RNF149: variants seen among roughly 807,000 people sequenced by gnomAD.
RNF149 encodes E3 ubiquitin-protein ligase RNF149.
A neutral mutation model predicts 39.0 loss-of-function variants in RNF149; 21 were observed. The observed-to-expected ratio is 0.54, with a 90% confidence interval of 0.38 to 0.77. The LOEUF (loss-of-function observed/expected upper bound fraction) is 0.77. RNF149 is among the 30% of genes least tolerant of loss of function. RNF149 has a pLI of 0.00. For missense variants in RNF149, 493 were observed against 534.9 expected, an observed-to-expected ratio of 0.92 and a Z score of 0.77; for synonymous variants, 209 against 213.6, an observed-to-expected ratio of 0.98 and a Z score of 0.19.
intron 1 of RNF149, among the ~76,000 whole-genome samples, chr2:101,305,206 G>C (rs572974538): frequency 6.3e-4 from 96 of 152,232 alleles, no homozygotes; most frequent in African/African-American, 2.2e-3. Flanking sequence ...ACACAGAACA[G>C]TGAGAACCAC....
intron 1 of RNF149, among the ~76,000 whole-genome samples, chr2:101,299,660 CT>C (rs1259042508): frequency 5.9e-5 from 9 of 152,138 alleles, no homozygotes; most frequent in Non-Finnish European, 1.3e-4. Flanking sequence ...CAGTTAAAAG[CT>C]TTTACACAGA....
At chr2:101,298,566 G>C (rs1343914274) in intron 1 of RNF149, among the ~76,000 whole-genome samples, 2 of 152,136 alleles carry the variant, frequency 1.3e-5, no homozygotes, top group Non-Finnish European at 2.9e-5. Flanking sequence ...GGCTGAAGTA[G>C]CAGCTCTGTA....
chr2:101,273,214 C>T (rs541960963), downstream of RNF149: 19 of 1,006,246 alleles, frequency 1.9e-5, no homozygotes, highest in Admixed American at 7.0e-5. Flanking sequence ...ACCGAGGAGC[C>T]GAGGAAACAG....
downstream of RNF149, among the ~76,000 whole-genome samples, chr2:101,272,652 T>C (rs959854938): frequency 6.6e-6 from 1 of 152,220 alleles, no homozygotes; most frequent in Non-Finnish European, 1.5e-5. Context: ...CAGAAACTGC[T>C]TTTGACTAAA....
rs1366010999 is a variant in RNF149 at position 101,275,819 on chromosome 2, A to G, written c.*1419T>C. ...GGATGTATTTTCCTATTTATAATAA[A>G]CTACAGAAGGTAGATTTCAAAGGTA... On this transcript the variant is annotated 3_prime_UTR_variant, in exon 7 of 7. Transcript: ENST00000295317. The G allele has an allele frequency of 4.1e-6, 4 of 976,568 alleles. No individual in the cohort carries two copies. Among genetic ancestry groups the G allele is most frequent in the Non-Finnish European group, 4.9e-6 (4 of 821,942 alleles). 60.5% of individuals were successfully genotyped at this position (976,568 alleles called of 1,614,324 possible). A position where few individuals can be genotyped will look rare whatever the true frequency, so the allele number is the denominator to read the frequency against.
At position 101,276,872 on chromosome 2, in the gene RNF149, T is replaced by G. The variant is rs1003667739; in HGVS notation, c.*366A>C. The G allele has an allele frequency of 4.9e-6, 5 of 1,017,982 alleles. No homozygotes were observed. The highest frequency in any genetic ancestry group is 5.1e-5 in the Admixed American group (1 of 19,424). 63.1% of individuals were successfully genotyped at this position (1,017,982 alleles called of 1,614,324 possible). On this transcript the variant is annotated 3_prime_UTR_variant, in exon 7 of 7. Transcript: ENST00000295317. Reference sequence around the variant, plus strand: ...TCCACTTCAACTAGTCTAACATTGATGTGCTTTGCCAAAAACCTTGAAAAA... The same window carrying G: ...TCCACTTCAACTAGTCTAACATTGAGGTGCTTTGCCAAAAACCTTGAAAAA...
intron 1 of RNF149, among the ~76,000 whole-genome samples, chr2:101,299,137 C>T (rs2104426787): frequency 6.6e-6 from 1 of 152,322 alleles, no homozygotes; most frequent in South Asian, 2.1e-4. Context: ...GTCTGGGCGA[C>T]AGGGCGAGAC....
chr2:101,275,808 A>G lies in RNF149; in HGVS notation c.*1430T>C. ...CTACAGAATCAGGATGTATTTTCCT[A>G]TTTATAATAAACTACAGAAGGTAGA... On this transcript the variant is annotated 3_prime_UTR_variant, in exon 7 of 7. Transcript: ENST00000295317. 1 of 977,098 alleles carries G rather than the reference A, an allele frequency of 1.0e-6. No homozygotes were observed. Among genetic ancestry groups the G allele is most frequent in the Non-Finnish European group, 1.2e-6 (1 of 822,356 alleles). The allele number at this position is 977,098 out of a possible 1,614,324, so 60.5% of individuals were successfully genotyped here.
chr2:101,275,144 G>A (rs571050049), downstream of RNF149, among the ~76,000 whole-genome samples: 190 of 105,826 alleles, frequency 1.8e-3, 2 homozygotes, highest in African/African-American at 6.7e-3. Context: ...TTGAGGCGGA[G>A]TCTTGCTCTG....
intron 1 of RNF149, among the ~76,000 whole-genome samples, chr2:101,296,097 G>A (rs1005220987): frequency 5.3e-5 from 8 of 152,106 alleles, no homozygotes; most frequent in Admixed American, 1.3e-4. Flanking sequence ...CAGCTTGGGC[G>A]ACAAAGTATG....
At chr2:101,292,582 C>T (rs970650565) in intron 3 of RNF149, among the ~76,000 whole-genome samples, 2 of 152,044 alleles carry the variant, frequency 1.3e-5, no homozygotes, top group Admixed American at 6.6e-5. Flanking sequence ...CTGGCTAACA[C>T]GGTGAAACTC....
At position 101,308,685 on chromosome 2, in the gene RNF149, A is replaced by C; in HGVS notation, c.-97T>G. 2 of 1,163,822 alleles carry C rather than the reference A, an allele frequency of 1.7e-6. No homozygotes were observed. The highest frequency in any genetic ancestry group is 1.2e-6 in the Non-Finnish European group (1 of 869,324). 72.1% of individuals were successfully genotyped at this position (1,163,822 alleles called of 1,614,324 possible). The stretch of plus-strand genomic sequence containing the variant: ...AAGCGGACACCCACCGCCGCCCTGG[A>C]AGACTGAGGCGGGGTCGGGGCCGCT... On this transcript the variant is annotated 5_prime_UTR_variant, in exon 1 of 7. Coordinates refer to ENST00000295317, the MANE Select transcript of RNF149 (RefSeq NM_173647.4).
At chr2:101,286,282 G>A in intron 4 of RNF149, 105 bp from the exon 5 acceptor site, 1 of 630,586 alleles carries the variant, frequency 1.6e-6, no homozygotes, top group South Asian at 2.1e-5. Context: ...CAAGTTAGCT[G>A]ATGTCAAATA....
chr2:101,295,231 A>G, intron 1 of RNF149, 50 bp from the exon 2 acceptor site: 3 of 1,485,526 alleles, frequency 2.0e-6, no homozygotes, highest in Non-Finnish European at 2.8e-6. Flanking sequence ...AATAAGATAC[A>G]GAGAACATTA....
chr2:101,302,373 T>C (rs1434403650), intron 1 of RNF149, among the ~76,000 whole-genome samples: 1 of 152,180 alleles, frequency 6.6e-6, no homozygotes, highest in Admixed American at 6.5e-5. Context: ...TCAATATGAA[T>C]GTAAATATCA....
chr2:101,279,111 T>TG (rs1440758058), intron 6 of RNF149, among the ~76,000 whole-genome samples: 20 of 152,192 alleles, frequency 1.3e-4, no homozygotes, highest in African/African-American at 4.8e-4. Flanking sequence ...ACAGATAAAG[T>TG]CAACTTGCTG....
At position 101,289,010 on chromosome 2, in the gene RNF149, A is replaced by G; in HGVS notation, c.826T>C (p.Phe276Leu). Residue 276 changes from phenylalanine (F) to leucine (L), a missense_variant, in exon 4 of 7, where the codon TTC (phenylalanine) becomes CTC (leucine). Physicochemically the swap from Phe to Leu is conservative, Grantham distance 22. Coordinates refer to ENST00000295317, the MANE Select transcript of RNF149 (RefSeq NM_173647.4). Reference sequence around the variant, plus strand: ...ATTCTAATAATATCCTTTACTTTGAAATTTTCAATACACACTGCACAATTT... The same window carrying G: ...ATTCTAATAATATCCTTTACTTTGAGATTTTCAATACACACTGCACAATTT... Reference protein sequence around the residue: ...AENCAVCIENFKVKDIIRILP... With the variant: ...AENCAVCIENLKVKDIIRILP... 6.3e-7 allele frequency: 1 copy of G among 1,593,380 alleles called. No individual in the cohort carries two copies. The highest frequency in any genetic ancestry group is 8.6e-7 in the Non-Finnish European group (1 of 1,162,566).
chr2:101,301,493 T>C (rs193011718), intron 1 of RNF149, among the ~76,000 whole-genome samples: 2 of 152,204 alleles, frequency 1.3e-5, no homozygotes, highest in East Asian at 3.9e-4. Flanking sequence ...CTAATTTTTA[T>C]ATTTTTTGTA....
chr2:101,274,060 T>G (rs1682242412), downstream of RNF149, among the ~76,000 whole-genome samples: 4 of 152,128 alleles, frequency 2.6e-5, no homozygotes, highest in Admixed American at 2.6e-4. Flanking sequence ...TTTTTTTTTT[T>G]TTTAAGAGAA....
Sources: allele counts gnomAD v4.1 joint callset (sites outside exome capture counted in the v4.1 genomes callset), GRCh38; gene constraint gnomAD v4.1.1; transcripts MANE v1.5; gene names NCBI Gene and HGNC (gene_info 2026-07-23, HGNC 2026-07-21).